Variants in CASP2 observed in about 807,000 individuals in gnomAD.
CASP2 encodes caspase-2.
Under a neutral mutation model 54.4 loss-of-function variants are expected in CASP2, and 38 were observed. The observed-to-expected ratio is 0.70, with a 90% CI of 0.54 to 0.92. CASP2 has a LOEUF of 0.92. Among genes scored for constraint, CASP2 ranks in the 40% least tolerant of loss-of-function variants. The pLI, the probability that CASP2 is intolerant of heterozygous loss-of-function variation, is 0.00. For missense variants in CASP2, 512 were observed against 579.6 expected (o/e 0.88, Z 1.20); for synonymous variants, 215 against 216.3 (o/e 0.99, Z 0.05).
intron 8 of CASP2, chr7:143,302,650 A>C (rs1394997855): frequency 6.6e-6 from 1 of 152,144 alleles, no homozygotes; most frequent in Non-Finnish European, 1.5e-5. Context: ...CAATTCTTGA[A>C]GCTTCCCTTC....
rs910093342 is a variant in CASP2, at chr7:143,305,474, T to C, written c.*403T>C. 9.3e-6 allele frequency: 3 copies of C among 321,132 alleles called. No homozygotes were observed. The highest frequency in any genetic ancestry group is 6.4e-5 in the African/African-American group (3 of 46,656). 19.9% of individuals were successfully genotyped at this position (321,132 alleles called of 1,614,324 possible). A position where few individuals can be genotyped will look rare whatever the true frequency, so the allele number is the denominator to read the frequency against. The stretch of plus-strand genomic sequence containing the variant: ...TAGTTAAGATGTCTGAGAGACCATC[T>C]CCTATCTTTTATTTCATTCATATCC... On this transcript the variant is annotated 3_prime_UTR_variant, in exon 11 of 11. Transcript: ENST00000310447.
At chr7:143,301,597 TAGATA>T (rs1167783119) in intron 8 of CASP2, 6 of 152,198 alleles carry the variant, frequency 3.9e-5, no homozygotes, top group Non-Finnish European at 5.9e-5. Flanking sequence ...AGAGATTTTT[TAGATA>T]AGATAAGGCT....
chr7:143,301,473 C>T (rs1248350423), intron 8 of CASP2: 5 of 152,038 alleles, frequency 3.3e-5, no homozygotes, highest in Admixed American at 6.6e-5. Context: ...CATGAAGTAG[C>T]TTAAGACTAG....
Position 143,300,268 on chromosome 7 carries a change from T to G in CASP2, c.941T>G (p.Met314Arg). 6.2e-7 allele frequency: 1 copy of G among 1,614,100 alleles called. No homozygotes were observed. The highest frequency in any genetic ancestry group is 2.2e-5 in the East Asian group (1 of 44,876). Residue 314 changes from methionine to arginine, a missense_variant, in exon 8 of 11, where the codon ATG becomes AGG. This residue lies in a region of CASP2 where 417 missense variants were observed against 495.4 expected (regional missense o/e 0.84). Coordinates refer to ENST00000310447, the MANE Select transcript of CASP2 (RefSeq NM_032982.4). ...CCAAGCCTACAGAACAAACCAAAAATGTTCTTCATCCAGGCCTGCCGTGGA... is the reference window on the plus strand; with the variant it reads ...CCAAGCCTACAGAACAAACCAAAAAGGTTCTTCATCCAGGCCTGCCGTGGA... ...NCPSLQNKPK[M>R]FFIQACRGDE... is the part of the protein sequence containing the mutation.
intron 4 of CASP2, chr7:143,293,342 G>A (rs1243049625): frequency 4.7e-6 from 2 of 427,552 alleles, no homozygotes; most frequent in Non-Finnish European, 8.2e-6. Context: ...TACCCAGGCT[G>A]GTGTCAAACT....
chr7:143,301,806 A>C (rs1801923854), intron 8 of CASP2: 2 of 152,350 alleles, frequency 1.3e-5, no homozygotes, highest in South Asian at 4.1e-4. Context: ...GTGGCTGGTC[A>C]CAATGAAGTG....
intron 6 of CASP2, among the ~76,000 whole-genome samples, chr7:143,295,913 G>A (rs975449793): frequency 2.0e-5 from 3 of 152,188 alleles, no homozygotes; most frequent in African/African-American, 7.2e-5. Flanking sequence ...AGTCTGCTGG[G>A]CATAAAGGGG....
chr7:143,294,690 G>A lies in CASP2; in HGVS notation c.664G>A (p.Gly222Arg). The A allele has an allele frequency of 1.9e-6, 3 of 1,614,180 alleles. No individual in the cohort carries two copies. Among genetic ancestry groups the A allele is most frequent in the Non-Finnish European group, 1.7e-6 (2 of 1,180,032 alleles). ...GEKELEFRSGGDVDHSTLVTL... is the reference protein window; with the variant it reads ...GEKELEFRSGRDVDHSTLVTL... ...GAAAGAACTGGAATTTCGCTCTGGA[G>A]GGGATGTGGACCACAGTACTCTAGT... The change falls in exon 6 of 11, where the codon GGG (glycine) becomes AGG (arginine). Residue 222 changes from glycine to arginine, a missense_variant. This residue lies in a region of CASP2 where 417 missense variants were observed against 495.4 expected (regional missense o/e 0.84). Coordinates refer to ENST00000310447, the MANE Select transcript of CASP2 (RefSeq NM_032982.4).
At chr7:143,303,671 T>C (rs917720018) in intron 8 of CASP2, 113 bp from the exon 9 acceptor site, 29 of 871,948 alleles carry the variant, frequency 3.3e-5, no homozygotes, top group Non-Finnish European at 4.5e-5. Context: ...AGGCAACAGC[T>C]GGAAATGGCT....
chr7:143,299,833 A>G (rs1368796835), intron 6 of CASP2, 90 bp from the exon 7 acceptor site: 5 of 1,441,996 alleles, frequency 3.5e-6, no homozygotes, highest in Non-Finnish European at 3.9e-6. Context: ...TTTATCTTCT[A>G]ATAGCTTAGG....
At position 143,291,790 on chromosome 7, in the gene CASP2, T is replaced by TTTTTTTC. The variant is rs1356635503; in HGVS notation, c.225+106_225+107insCTTTTTT. On this transcript the variant is annotated intron_variant, in intron 2 of 10. Transcript: ENST00000310447. Reference sequence around the variant, plus strand: ...GTCGTATCTTTCTTCCTTTTTTTTTTTTTTTTTTTTGAGACAGAGTCTCTG... The same window carrying TTTTTTTC: ...GTCGTATCTTTCTTCCTTTTTTTTTTTTTTTTCTTTTTTTTTTGAGACAGAGTCTCTG... 5.7e-6 allele frequency: 6 copies of TTTTTTTC among 1,055,598 alleles called. No individual in the cohort carries two copies. The East Asian group carries it at 1.4e-4, about 25-fold the overall frequency. The allele number at this position is 1,055,598 out of a possible 1,614,324, so 65.4% of individuals were successfully genotyped here. A position where few individuals can be genotyped will look rare whatever the true frequency, so the allele number is the denominator to read the frequency against.
intron 6 of CASP2, 55 bp from the exon 7 acceptor site, chr7:143,299,868 A>T (rs1586465139): frequency 1.2e-6 from 2 of 1,610,054 alleles, no homozygotes; most frequent in African/African-American, 1.3e-5. Flanking sequence ...CCAAACTTTG[A>T]TGCTTATGTT....
intron 1 of CASP2, among the ~76,000 whole-genome samples, chr7:143,289,913 TAGTTCTCCC>T (rs1801503320): frequency 6.6e-6 from 1 of 152,134 alleles, no homozygotes; most frequent in Non-Finnish European, 1.5e-5. Flanking sequence ...CCTGCTATCT[TAGTTCTCCC>T]AGTTCTTCCA....
intron 8 of CASP2, 161 bp from the exon 9 acceptor site, chr7:143,303,620 AATT>A: frequency 1.7e-6 from 1 of 599,752 alleles, no homozygotes; most frequent in South Asian, 2.0e-5. Context: ...AGAGAGTAAT[AATT>A]TTTTTTTTTT....
In CASP2 at chr7:143,288,467, G is replaced by A. The variant is rs1477055329; in HGVS notation, c.12G>A (p.Pro4=). The A allele has an allele frequency of 1.2e-6, 2 of 1,613,110 alleles. No individual in the cohort carries two copies. The highest frequency in any genetic ancestry group is 1.7e-6 in the Non-Finnish European group (2 of 1,179,674). The part of the protein sequence containing the change: MAA[P]SAGSWSTFQH... ...GGGAAAAGCGGGAAATGGCGGCGCCGAGCGCGGGGTCTTGGTCCACCTTCC... is the reference window on the plus strand; with the variant it reads ...GGGAAAAGCGGGAAATGGCGGCGCCAAGCGCGGGGTCTTGGTCCACCTTCC... Residue 4 remains proline, a synonymous_variant, in exon 1 of 11, where the codon CCG becomes CCA. Transcript: ENST00000310447.
intron 8 of CASP2, chr7:143,302,944 C>G (rs1801957945): frequency 6.6e-6 from 1 of 151,972 alleles, no homozygotes; most frequent in African/African-American, 2.4e-5. Flanking sequence ...CAGTCAAGTT[C>G]TCCCCACTTT....
intron 2 of CASP2, 21 bp downstream of exon 2, chr7:143,291,711 G>C (rs940413625): frequency 6.4e-7 from 1 of 1,565,274 alleles, no homozygotes; most frequent in African/African-American, 1.4e-5. Flanking sequence ...GCAAAAGAGA[G>C]AAGATAAATT....
chr7:143,298,153 A>T (rs1212272702), intron 6 of CASP2, among the ~76,000 whole-genome samples: 1 of 152,200 alleles, frequency 6.6e-6, no homozygotes, highest in Admixed American at 6.5e-5. Context: ...TTCCTGGGTG[A>T]TGCTGCTGTT....
chr7:143,294,056 T>A (rs1801671054), intron 4 of CASP2, among the ~76,000 whole-genome samples, 174 bp from the exon 5 acceptor site: 1 of 152,242 alleles, frequency 6.6e-6, no homozygotes, highest in Non-Finnish European at 1.5e-5. Context: ...CAGAGAATCC[T>A]TTAGTGAGCT....
Sources: gnomAD v4.1 joint callset for allele counts (sites outside exome capture counted in the v4.1 genomes callset) on GRCh38, gnomAD v4.1.1 for gene constraint, gnomAD v4.1.1 regional missense constraint, MANE v1.5 for transcripts, NCBI Gene and HGNC (gene_info 2026-07-23, HGNC 2026-07-21) for gene names.